The following EPHA7 variants were observed in gnomAD, a reference collection of about 807,000 sequenced individuals.
EPHA7 encodes the protein EPH receptor A7.
Under a neutral mutation model 112.6 loss-of-function variants are expected in EPHA7, and 25 were observed. That is an observed-to-expected ratio of 0.22 (90% CI 0.16 to 0.31). EPHA7 has a LOEUF of 0.31. Among genes scored for constraint, EPHA7 ranks in the 10% least tolerant of loss-of-function variants. The probability of loss-of-function intolerance (pLI) is 1.00; values close to 1 mark genes in which losing one functional copy is unlikely to be tolerated. For synonymous variants in EPHA7, 437 were observed against 406.5 expected (o/e 1.07, Z -0.90); for missense variants, 962 against 1,212.6 (o/e 0.79, Z 3.07).
At chr6:93,355,924 C>T (rs1775920759) in intron 5 of EPHA7, among the ~76,000 whole-genome samples, 1 of 152,080 alleles carries the variant, frequency 6.6e-6, no homozygotes, top group Non-Finnish European at 1.5e-5. Flanking sequence ...TACTGATGAA[C>T]TTAAAATTCC....
intron 14 of EPHA7, among the ~76,000 whole-genome samples, chr6:93,249,037 T>C (rs1481412797): frequency 1.3e-5 from 2 of 152,212 alleles, no homozygotes; most frequent in Non-Finnish European, 2.9e-5. Flanking sequence ...AAGTATTTTA[T>C]TTTGAACAAC....
chr6:93,329,879 ACT>A (rs1421292577), intron 5 of EPHA7, among the ~76,000 whole-genome samples: 1 of 151,106 alleles, frequency 6.6e-6, no homozygotes, highest in Non-Finnish European at 1.5e-5. Context: ...AACAACAAAG[ACT>A]CATTCTTGGA....
intron 3 of EPHA7, among the ~76,000 whole-genome samples, chr6:93,361,608 C>G (rs148278270): frequency 3.3e-5 from 5 of 152,126 alleles, no homozygotes; most frequent in Non-Finnish European, 7.4e-5. Context: ...ACTTGGAAAT[C>G]CAGGCAATTT....
intron 5 of EPHA7, among the ~76,000 whole-genome samples, chr6:93,283,371 A>C (rs898695488): frequency 1.3e-5 from 2 of 152,166 alleles, no homozygotes; most frequent in African/African-American, 4.8e-5. Flanking sequence ...AGATAAGAGA[A>C]TAAAAGCAGG....
At chr6:93,285,742 A>T (rs2875650) in intron 5 of EPHA7, among the ~76,000 whole-genome samples, 67,790 of 151,976 alleles carry the variant, frequency 0.45, 15,969 homozygotes, top group South Asian at 0.7. Context: ...CCACATATGA[A>T]GTTCCGGCTT....
At chr6:93,369,188 ACAC>A (rs1416682438) in intron 3 of EPHA7, among the ~76,000 whole-genome samples, 2 of 146,792 alleles carry the variant, frequency 1.4e-5, no homozygotes, top group African/African-American at 5.1e-5. Flanking sequence ...GGCCACACAC[ACAC>A]ACACACACAC....
At chr6:93,346,363 A>G (rs1309143421) in intron 5 of EPHA7, among the ~76,000 whole-genome samples, 1 of 151,736 alleles carries the variant, frequency 6.6e-6, no homozygotes, top group Non-Finnish European at 1.5e-5. Flanking sequence ...TAACACTTAG[A>G]GAAATGGGCA....
chr6:93,288,239 A>G (rs962444373), intron 5 of EPHA7, among the ~76,000 whole-genome samples: 1 of 152,242 alleles, frequency 6.6e-6, no homozygotes, highest in Non-Finnish European at 1.5e-5. Context: ...GAAGTGCTCA[A>G]TACAAATGGA....
At position 93,419,270 on chromosome 6, in the gene EPHA7, T is replaced by G. The variant is rs1779410979; in HGVS notation, c.72A>C (p.Thr24=). 2 of 1,613,880 alleles carry G rather than the reference T, an allele frequency of 1.2e-6. No individual in the cohort carries two copies. Among genetic ancestry groups the G allele is most frequent in the Non-Finnish European group, 1.7e-6 (2 of 1,179,904 alleles). ...CTTCCTTCGCAGCCTGCGCCTCCCC[T>G]GTGTGTGCAAAGCGGAGCAGCCAGA... ...CYIWLLRFAH[T]GEAQAAKEVL... The change falls in exon 1 of 17, where the codon ACA becomes ACC. Residue 24 remains threonine, a synonymous_variant. Transcript: ENST00000369303.
At chr6:93,266,523 A>G (rs1364017115) in intron 7 of EPHA7, among the ~76,000 whole-genome samples, 1 of 151,770 alleles carries the variant, frequency 6.6e-6, no homozygotes, top group Non-Finnish European at 1.5e-5. Flanking sequence ...TCAGGGCAAT[A>G]CATATTAAAA....
chr6:93,245,231 C>A, intron 16 of EPHA7, 67 bp downstream of exon 16: 1 of 1,381,634 alleles, frequency 7.2e-7, no homozygotes, highest in South Asian at 1.3e-5. Context: ...AAGAAGATAA[C>A]CTAATGTATA....
chr6:93,297,058 A>G (rs190248849), intron 5 of EPHA7, among the ~76,000 whole-genome samples: 49 of 152,136 alleles, frequency 3.2e-4, no homozygotes, highest in Middle Eastern at 6.8e-3. Context: ...ATCATGTTGT[A>G]TAACTTAAAT....
At chr6:93,306,837 T>G (rs1189764419) in intron 5 of EPHA7, among the ~76,000 whole-genome samples, 4 of 151,974 alleles carry the variant, frequency 2.6e-5, no homozygotes, top group Non-Finnish European at 4.4e-5. Context: ...TAAGAATGCT[T>G]AGTTTTGGTC....
At chr6:93,264,142 GA>G (rs1226472414) in intron 8 of EPHA7, among the ~76,000 whole-genome samples, 1 of 151,416 alleles carries the variant, frequency 6.6e-6, no homozygotes, top group African/African-American at 2.4e-5. Context: ...CATTTAGATT[GA>G]ATACACAAAA....
intron 3 of EPHA7, among the ~76,000 whole-genome samples, chr6:93,359,210 C>T (rs960266293): frequency 1.3e-5 from 2 of 152,024 alleles, no homozygotes; most frequent in African/African-American, 4.8e-5. Flanking sequence ...AGCATTTCTG[C>T]CACCTCCTAA....
chr6:93,290,689 T>C (rs1249167954), intron 5 of EPHA7, among the ~76,000 whole-genome samples: 2 of 152,198 alleles, frequency 1.3e-5, no homozygotes, highest in Admixed American at 1.3e-4. Flanking sequence ...ATACAAACTA[T>C]AACCAAGGTT....
chr6:93,267,083 C>T (rs1770977422), intron 7 of EPHA7, among the ~76,000 whole-genome samples: 1 of 151,682 alleles, frequency 6.6e-6, no homozygotes, highest in Admixed American at 6.6e-5. Context: ...ACTCTGATGG[C>T]TAATAAAATG....
rs755970343 is a variant in EPHA7 at position 93,246,888 on chromosome 6, C to T, written c.2630G>A (p.Arg877His). Residue 877 changes from arginine to histidine, a missense_variant, in exon 15 of 17, where the codon CGT becomes CAT. Transcript: ENST00000369303. ...CTGTTCAAATTTTGGCCTTTCAGCA[C>T]GCTCCTTTTGCCAACAATCCAACAT... ...QLMLDCWQKE[R>H]AERPKFEQIV... The T allele has an allele frequency of 2.7e-5, 43 of 1,613,792 alleles. No individual in the cohort carries two copies. Among genetic ancestry groups the T allele is most frequent in the African/African-American group, 1.3e-4 (10 of 74,912 alleles).
chr6:93,408,382 G>T (rs1778817203), intron 3 of EPHA7, among the ~76,000 whole-genome samples: 1 of 152,008 alleles, frequency 6.6e-6, no homozygotes, highest in Admixed American at 6.6e-5. Flanking sequence ...TCATTGAATT[G>T]ATTAGTTCAC....
Sources: gnomAD v4.1 joint callset for allele counts (sites outside exome capture counted in the v4.1 genomes callset) on GRCh38, gnomAD v4.1.1 for gene constraint, MANE v1.5 for transcripts, NCBI Gene and HGNC (gene_info 2026-07-23, HGNC 2026-07-21) for gene names.